SKAP1: variants seen among roughly 807,000 people sequenced by gnomAD.
The protein encoded by SKAP1 is src kinase-associated phosphoprotein 1.
A neutral mutation model predicts 58.5 loss-of-function variants in SKAP1; 44 were observed. That is an observed-to-expected ratio of 0.75 (90% CI 0.59 to 0.97). The LOEUF (loss-of-function observed/expected upper bound fraction) is 0.97. Ranked by LOEUF, SKAP1 falls within the 50% of genes least tolerant of loss-of-function variation. SKAP1 has a pLI of 0.00. For synonymous variants in SKAP1, 127 were observed against 149.7 expected (o/e 0.85, Z 1.11); for missense variants, 390 against 435.2 (o/e 0.90, Z 0.92).
intron 2 of SKAP1, among the ~76,000 whole-genome samples, chr17:48,395,401 C>G (rs1417455325): frequency 6.6e-6 from 1 of 151,952 alleles, no homozygotes; most frequent in Non-Finnish European, 1.5e-5. Flanking sequence ...CCAAATACAC[C>G]ATTATATTTA....
intron 4 of SKAP1, among the ~76,000 whole-genome samples, chr17:48,225,313 G>GGGA (rs1487159510): frequency 5.9e-5 from 9 of 152,256 alleles, no homozygotes; most frequent in African/African-American, 2.2e-4. Flanking sequence ...GAATATAGCA[G>GGGA]GGAGTCAGAG....
At chr17:48,251,379 G>A (rs1349484253) in intron 4 of SKAP1, among the ~76,000 whole-genome samples, 2 of 152,134 alleles carry the variant, frequency 1.3e-5, no homozygotes, top group Admixed American at 6.5e-5. Flanking sequence ...TTTAAATCAA[G>A]TTAAATTAAA....
At chr17:48,429,392 C>T (rs77687372) in intron 1 of SKAP1, among the ~76,000 whole-genome samples, 26,051 of 152,162 alleles carry the variant, frequency 0.17, 2,281 homozygotes, top group Non-Finnish European at 0.19. Context: ...TTTAAACCAC[C>T]GCTTAGACAC....
Position 48,186,656 on chromosome 17 carries a change from GA to G in SKAP1, c.442+1186del, listed in dbSNP as rs2064457857. Reference sequence around the variant, plus strand: ...GCTAATTTTTGTATTTTTAGTAGTAGAGACGGGGTTTCACTATGTTGGCCAG... The same window carrying G: ...GCTAATTTTTGTATTTTTAGTAGTAGGACGGGGTTTCACTATGTTGGCCAG... On this transcript the variant is annotated intron_variant, in intron 6 of 12. Coordinates refer to ENST00000336915, the MANE Select transcript of SKAP1 (RefSeq NM_003726.4). Among the ~76,000 whole-genome samples the G allele has an allele frequency of 2.0e-5, 3 of 152,038 alleles. 1 individual carries two copies. In the South Asian group the frequency reaches 6.2e-4, roughly 32 times the overall value.
At chr17:48,182,530 G>C (rs1048153639) in intron 7 of SKAP1, 73 bp from the exon 8 acceptor site, 40 of 1,046,076 alleles carry the variant, frequency 3.8e-5, no homozygotes, top group Middle Eastern at 4.1e-4. Context: ...GATGTCCAAG[G>C]GGGAGGAACC....
chr17:48,247,503 A>T (rs1278821350), intron 4 of SKAP1, among the ~76,000 whole-genome samples: 1 of 151,968 alleles, frequency 6.6e-6, no homozygotes, highest in African/African-American at 2.4e-5. Flanking sequence ...TCTATCATTC[A>T]TTTTCTTTAC....
chr17:48,262,139 C>T (rs756579602), intron 4 of SKAP1, among the ~76,000 whole-genome samples: 5 of 152,152 alleles, frequency 3.3e-5, no homozygotes, highest in Non-Finnish European at 7.3e-5. Flanking sequence ...CTACCTGAGG[C>T]GGCAGAGCCT....
chr17:48,155,861 C>T (rs879599528), intron 11 of SKAP1, among the ~76,000 whole-genome samples: 1 of 152,110 alleles, frequency 6.6e-6, no homozygotes, highest in Non-Finnish European at 1.5e-5. Flanking sequence ...TCAAGAAAAA[C>T]AGAAACAAAA....
intron 4 of SKAP1, among the ~76,000 whole-genome samples, chr17:48,312,726 A>G (rs760541310): frequency 3.3e-5 from 5 of 152,158 alleles, no homozygotes; most frequent in African/African-American, 7.2e-5. Context: ...AGGAAAAGAG[A>G]GTGTGAGAGA....
intron 2 of SKAP1, among the ~76,000 whole-genome samples, chr17:48,367,779 G>A (rs1001517916): frequency 4.6e-5 from 7 of 151,448 alleles, no homozygotes; most frequent in African/African-American, 9.7e-5. Context: ...TTAGCCGGGC[G>A]TGGTGGCACA....
intron 4 of SKAP1, among the ~76,000 whole-genome samples, chr17:48,270,210 C>T (rs182206494): frequency 4.4e-4 from 67 of 152,254 alleles, no homozygotes; most frequent in Non-Finnish European, 7.1e-4. Context: ...AAATAAAAGT[C>T]ATCAAAAATA....
In SKAP1 at chr17:48,135,527, G is replaced by A. The variant is rs141823186; in HGVS notation, c.*7+1702C>T. Among the ~76,000 whole-genome samples the A allele has an allele frequency of 4.9e-4, 75 of 152,208 alleles. 1 individual carries two copies. Among genetic ancestry groups the A allele is most frequent in the Admixed American group, 1.3e-3 (20 of 15,272 alleles). On this transcript the variant is annotated intron_variant, in intron 12 of 12. Coordinates refer to ENST00000336915, the MANE Select transcript of SKAP1 (RefSeq NM_003726.4). ...GGATCTTGCTCTTTCACCCAGGCTG[G>A]CGTGCAGTGGTGCAGTCATGGCTCA...
intron 4 of SKAP1, among the ~76,000 whole-genome samples, chr17:48,255,951 C>G (rs1485946905): frequency 6.6e-6 from 1 of 152,126 alleles, no homozygotes; most frequent in Non-Finnish European, 1.5e-5. Context: ...ACCGTCTGCT[C>G]TCTGCTTAAC....
chr17:48,241,480 G>C (rs984297920), intron 4 of SKAP1, among the ~76,000 whole-genome samples: 2 of 152,160 alleles, frequency 1.3e-5, no homozygotes, highest in Non-Finnish European at 2.9e-5. Flanking sequence ...ATCATCTGAA[G>C]TCTTAATAGG....
chr17:48,196,298 T>A (rs2064628547), intron 4 of SKAP1, among the ~76,000 whole-genome samples: 1 of 152,238 alleles, frequency 6.6e-6, no homozygotes, highest in Non-Finnish European at 1.5e-5. Context: ...GAAACAGGCA[T>A]GATGTGTGGT....
chr17:48,311,462 T>C (rs900224454), intron 4 of SKAP1, among the ~76,000 whole-genome samples: 2 of 152,158 alleles, frequency 1.3e-5, no homozygotes, highest in African/African-American at 2.4e-5. Context: ...CCCTAAATAA[T>C]TGCTTTTTTG....
At chr17:48,233,488 T>G (rs2065146056) in intron 4 of SKAP1, among the ~76,000 whole-genome samples, 1 of 151,430 alleles carries the variant, frequency 6.6e-6, no homozygotes, top group African/African-American at 2.5e-5. Flanking sequence ...AAAACAAGAA[T>G]AGTCTGTAAT....
chr17:48,321,801 C>T (rs1011490654), intron 4 of SKAP1, among the ~76,000 whole-genome samples: 2 of 152,200 alleles, frequency 1.3e-5, no homozygotes, highest in Non-Finnish European at 2.9e-5. Flanking sequence ...CTAATCTTCT[C>T]TCTAATCACC....
chr17:48,284,186 T>C (rs1453419072), intron 4 of SKAP1, among the ~76,000 whole-genome samples: 1 of 152,234 alleles, frequency 6.6e-6, no homozygotes, highest in Non-Finnish European at 1.5e-5. Flanking sequence ...CAAACATTTG[T>C]AGTTGTTCTG....
Sources: gnomAD v4.1 joint callset for allele counts (sites outside exome capture counted in the v4.1 genomes callset) on GRCh38, gnomAD v4.1.1 for gene constraint, MANE v1.5 for transcripts, NCBI Gene and HGNC (gene_info 2026-07-23, HGNC 2026-07-21) for gene names.